The following YLPM1 variants were observed in gnomAD, a reference collection of about 807,000 sequenced individuals.
The protein encoded by YLPM1 is YLP motif-containing protein 1.
Under a neutral mutation model 230.0 loss-of-function variants are expected in YLPM1, and 99 were observed. The ratio of observed to expected loss-of-function variants is 0.43; its 90% CI spans 0.37 to 0.51. The LOEUF is 0.51. Ranked by LOEUF, YLPM1 falls within the 20% of genes least tolerant of loss-of-function variation. The probability of loss-of-function intolerance (pLI) is 0.00; values close to 1 mark genes in which losing one functional copy is unlikely to be tolerated. For synonymous variants in YLPM1, 984 were observed against 942.5 expected (o/e 1.04, Z -0.81); for missense variants, 2,592 against 2,707.7 (o/e 0.96, Z 0.95).
chr14:74,793,854 C>T (rs145592427), intron 4 of YLPM1, among the ~76,000 whole-genome samples: 3 of 152,314 alleles, frequency 2.0e-5, no homozygotes, highest in South Asian at 2.1e-4. Flanking sequence ...TATAGATTTA[C>T]GTATTTTTAG....
At position 74,775,925 on chromosome 14, in the gene YLPM1, A is replaced by G. The variant is rs147898256; in HGVS notation, c.874-2522A>G. On this transcript the variant is annotated intron_variant, in intron 1 of 20. Transcript: ENST00000325680. ...TCTAGCAGATCCTCAGCTGCCAGTA[A>G]TAAGTTCCAATGTTCTCCAACATCA... Among the ~76,000 whole-genome samples the G allele has an allele frequency of 8.3e-3, 1,268 of 152,344 alleles. 6 individuals carry two copies. The highest frequency in any genetic ancestry group is 0.014 in the Non-Finnish European group (983 of 68,036).
Position 74,798,607 on chromosome 14 carries a change from G to T in YLPM1, c.3310G>T (p.Gly1104Cys). Residue 1104 changes from glycine to cysteine, a missense_variant, in exon 5 of 21, where the codon GGT (glycine) becomes TGT (cysteine). Physicochemically the swap from Gly to Cys is radical, Grantham distance 159. Coordinates refer to ENST00000325680, the MANE Select transcript of YLPM1 (RefSeq NM_019589.3). ...TGGTCTTCAAGGGAGCCAGGACAGG[G>T]GTGCAGCTGGCAGCCGAGAAAGGGG... ...PGGLQGSQDR[G>C]AAGSRERGPP... is the part of the protein sequence containing the mutation. 5 of 1,612,682 alleles carry T rather than the reference G, an allele frequency of 3.1e-6. No homozygotes were observed. Among genetic ancestry groups the T allele is most frequent in the Non-Finnish European group, 4.2e-6 (5 of 1,179,066 alleles).
intron 4 of YLPM1, among the ~76,000 whole-genome samples, chr14:74,794,081 C>T (rs772787911): frequency 6.6e-6 from 1 of 152,136 alleles, no homozygotes; most frequent in Non-Finnish European, 1.5e-5. Flanking sequence ...TGATTACCTC[C>T]TCTCTCTGTT....
chr14:74,783,410 T>C (rs1003399125), intron 4 of YLPM1, among the ~76,000 whole-genome samples: 1 of 152,158 alleles, frequency 6.6e-6, no homozygotes, highest in Non-Finnish European at 1.5e-5. Context: ...AATCAGTTTT[T>C]TTCTCAGTTG....
chr14:74,826,824 A>G (rs954842624), intron 18 of YLPM1, among the ~76,000 whole-genome samples: 1 of 152,240 alleles, frequency 6.6e-6, no homozygotes, highest in Non-Finnish European at 1.5e-5. Flanking sequence ...TACTTGCCAC[A>G]TCAGGTGGTG....
intron 19 of YLPM1, 72 bp from the exon 20 acceptor site, chr14:74,835,193 G>A: frequency 1.3e-6 from 2 of 1,576,168 alleles, no homozygotes; most frequent in Non-Finnish European, 1.7e-6. Flanking sequence ...CCCTTAGACT[G>A]TCCAGAGAGG....
chr14:74,807,742 C>G (rs1054118986), intron 6 of YLPM1, among the ~76,000 whole-genome samples: 2 of 152,206 alleles, frequency 1.3e-5, no homozygotes, highest in African/African-American at 4.8e-5. Flanking sequence ...CTCATGTTCT[C>G]TGTTGGTCTC....
chr14:74,786,131 G>T (rs193072647), intron 4 of YLPM1, among the ~76,000 whole-genome samples: 2 of 152,018 alleles, frequency 1.3e-5, no homozygotes, highest in Non-Finnish European at 2.9e-5. Context: ...GGAGGCTGAG[G>T]GGGGAGCGGA....
intron 4 of YLPM1, among the ~76,000 whole-genome samples, chr14:74,796,325 A>T (rs1403436159): frequency 6.6e-6 from 1 of 152,148 alleles, no homozygotes; most frequent in Non-Finnish European, 1.5e-5. Context: ...AACTATTTGC[A>T]CTTCCAAACA....
chr14:74,799,978 C>CA (rs1186234761), intron 5 of YLPM1, among the ~76,000 whole-genome samples: 1 of 152,190 alleles, frequency 6.6e-6, no homozygotes, highest in African/African-American at 2.4e-5. Flanking sequence ...TTTCAAGTGT[C>CA]AAACTTCAAC....
In YLPM1 at chr14:74,780,524, T is replaced by G. The variant is rs1178600432; in HGVS notation, c.1230T>G (p.Thr410=). Residue 410 remains threonine, a synonymous_variant, in exon 3 of 21, where the codon ACT becomes ACG. Coordinates refer to ENST00000325680, the MANE Select transcript of YLPM1 (RefSeq NM_019589.3). ...FQYQGIMQKH[T]QLQQILQQYQ... ...ATCAGGGAATAATGCAGAAGCACAC[T>G]CAGTTACAGCAGATTCTACAACAGT... is the stretch of plus-strand genomic sequence containing the variant. The G allele has an allele frequency of 3.7e-6, 6 of 1,613,770 alleles. No homozygotes were observed. The highest frequency in any genetic ancestry group is 5.1e-6 in the Non-Finnish European group (6 of 1,179,880).
chr14:74,803,847 G>A (rs1177410842), intron 6 of YLPM1, among the ~76,000 whole-genome samples: 1 of 152,036 alleles, frequency 6.6e-6, no homozygotes, highest in African/African-American at 2.4e-5. Flanking sequence ...AGTTTTGACA[G>A]ATGTATACCA....
intron 19 of YLPM1, among the ~76,000 whole-genome samples, chr14:74,833,205 A>G (rs1031168739): frequency 6.6e-6 from 1 of 152,124 alleles, no homozygotes; most frequent in Non-Finnish European, 1.5e-5. Flanking sequence ...TAAAATGTGT[A>G]TCCTTGATCC....
chr14:74,835,166 C>T (rs1054892767), intron 19 of YLPM1, 99 bp from the exon 20 acceptor site: 1 of 1,445,506 alleles, frequency 6.9e-7, no homozygotes, highest in South Asian at 1.4e-5. Context: ...CTTGCGGTTT[C>T]AAATGAGTCA....
intron 16 of YLPM1, among the ~76,000 whole-genome samples, chr14:74,820,112 A>T (rs988094352): frequency 6.6e-6 from 1 of 152,232 alleles, no homozygotes; most frequent in African/African-American, 2.4e-5. Context: ...AAAAATATAT[A>T]TTATCTTAGT....
intron 5 of YLPM1, among the ~76,000 whole-genome samples, chr14:74,799,973 A>G (rs2091309735): frequency 6.6e-6 from 1 of 152,212 alleles, no homozygotes; most frequent in African/African-American, 2.4e-5. Flanking sequence ...GCATGTTTCA[A>G]GTGTCAAACT....
chr14:74,813,086 A>C (rs2091449517), intron 11 of YLPM1, among the ~76,000 whole-genome samples: 1 of 152,210 alleles, frequency 6.6e-6, no homozygotes, highest in South Asian at 2.1e-4. Context: ...TGGAATAGAA[A>C]GGGAGAATTA....
intron 3 of YLPM1, among the ~76,000 whole-genome samples, chr14:74,780,889 A>G (rs1318298005): frequency 2.6e-5 from 4 of 152,212 alleles, no homozygotes; most frequent in Non-Finnish European, 4.4e-5. Flanking sequence ...GTAAACTACA[A>G]CAGTAACAGA....
chr14:74,780,337 A>G (rs2091080512), intron 2 of YLPM1, 68 bp from the exon 3 acceptor site: 3 of 1,524,376 alleles, frequency 2.0e-6, no homozygotes, highest in Non-Finnish European at 2.6e-6. Flanking sequence ...ACTTTATAAT[A>G]CATTTATAAA....
Sources: allele counts gnomAD v4.1 joint callset (sites outside exome capture counted in the v4.1 genomes callset), GRCh38; gene constraint gnomAD v4.1.1; transcripts MANE v1.5; gene names NCBI Gene and HGNC (gene_info 2026-07-23, HGNC 2026-07-21).